ZNF609: variants seen among roughly 807,000 people sequenced by gnomAD.
ZNF609 encodes the protein zinc finger protein 609.
In ZNF609, 11 loss-of-function variants were observed where a neutral mutation model predicts 109.5. The observed-to-expected ratio is 0.10, with a 90% CI of 0.06 to 0.17. The LOEUF (loss-of-function observed/expected upper bound fraction) is 0.17, where lower values mean the gene tolerates loss of function less well. ZNF609 is among the 10% of genes least tolerant of loss of function. The pLI, the probability that ZNF609 is intolerant of heterozygous loss-of-function variation, is 1.00. For missense variants in ZNF609, 1,559 were observed against 1,772.4 expected, an observed-to-expected ratio of 0.88 and a Z score of 2.16; for synonymous variants, 646 against 662.0, an observed-to-expected ratio of 0.98 and a Z score of 0.37.
Position 64,499,345 on chromosome 15 carries a change from A to G in ZNF609, c.-75A>G. ...TGACCAATGTGGCAGGTCTGAGAAC[A>G]TAGCTGAAGCTGAAAATAGGAAAGC... On this transcript the variant is annotated 5_prime_UTR_variant, in exon 2 of 10. Coordinates refer to ENST00000326648, the MANE Select transcript of ZNF609 (RefSeq NM_015042.2). 1.9e-6 allele frequency: 3 copies of G among 1,556,970 alleles called. No homozygotes were observed.
intron 2 of ZNF609, among the ~76,000 whole-genome samples, chr15:64,620,958 A>C (rs961467966): frequency 6.6e-6 from 1 of 152,232 alleles, no homozygotes; most frequent in Non-Finnish European, 1.5e-5. Flanking sequence ...TTGCAGAGCT[A>C]TTTAGAAGCT....
At chr15:64,596,980 A>G (rs972366383) in intron 2 of ZNF609, among the ~76,000 whole-genome samples, 12 of 152,156 alleles carry the variant, frequency 7.9e-5, no homozygotes, top group African/African-American at 2.9e-4. Flanking sequence ...TTAATATTTT[A>G]TTATCTCTGT....
intron 2 of ZNF609, among the ~76,000 whole-genome samples, chr15:64,584,966 C>G (rs771778800): frequency 6.7e-6 from 1 of 150,022 alleles, no homozygotes; most frequent in African/African-American, 2.5e-5. Context: ...AGGAACTAGA[C>G]TCTCTAAGAA....
intron 3 of ZNF609, among the ~76,000 whole-genome samples, chr15:64,661,262 G>T (rs534546358): frequency 4.2e-4 from 64 of 152,148 alleles, no homozygotes; most frequent in African/African-American, 1.4e-3. Flanking sequence ...ACGACTGGCC[G>T]CGTATCACTA....
chr15:64,565,232 G>GTATTATTATCATTATTAT (rs1555419579), intron 2 of ZNF609, among the ~76,000 whole-genome samples: 1 of 138,736 alleles, frequency 7.2e-6, no homozygotes, highest in Non-Finnish European at 1.5e-5. Flanking sequence ...GCTAATTTTT[G>GTATTATTATCATTATTAT]TATTATTATT....
intron 2 of ZNF609, among the ~76,000 whole-genome samples, chr15:64,511,391 G>A (rs2140357957): frequency 6.7e-6 from 1 of 149,122 alleles, no homozygotes; most frequent in East Asian, 2.1e-4. Context: ...TGAGGCAGGA[G>A]AATTGCTTGA....
chr15:64,577,937 T>A (rs1895029319), intron 2 of ZNF609, among the ~76,000 whole-genome samples: 1 of 151,670 alleles, frequency 6.6e-6, no homozygotes, highest in Non-Finnish European at 1.5e-5. Flanking sequence ...GGAGGATTGC[T>A]TGAGGCCAGG....
intron 6 of ZNF609, among the ~76,000 whole-genome samples, chr15:64,679,235 G>A (rs747173469): frequency 2.0e-5 from 3 of 152,114 alleles, no homozygotes; most frequent in Non-Finnish European, 2.9e-5. Flanking sequence ...ACCACTCCTG[G>A]CTAATTTTGT....
chr15:64,674,484 G>A lies in ZNF609; in HGVS notation c.1630G>A (p.Asp544Asn). The A allele has an allele frequency of 1.9e-6, 3 of 1,614,188 alleles. No homozygotes were observed. The highest frequency in any genetic ancestry group is 2.5e-6 in the Non-Finnish European group (3 of 1,180,038). ...CGGAGAGGAACCTATTCTCCATGCA[G>A]ATCTTGGGAGCTGCAACGGTGCATC... The part of the protein sequence containing the change: ...EYGEEPILHA[D>N]LGSCNGASVS... The change falls in exon 5 of 10, where the codon GAT becomes AAT. Residue 544 changes from aspartate to asparagine, a missense_variant. Physicochemically the swap from Asp to Asn is conservative, Grantham distance 23. Around this residue, in one of 4 missense-constraint regions of ZNF609, gnomAD observed 1,204 missense variants for 1,314.1 expected, o/e 0.92. Coordinates refer to ENST00000326648, the MANE Select transcript of ZNF609 (RefSeq NM_015042.2).
chr15:64,550,838 GGA>G (rs1491224936), intron 2 of ZNF609, among the ~76,000 whole-genome samples: 6 of 128,800 alleles, frequency 4.7e-5, no homozygotes, highest in African/African-American at 2.0e-4. Context: ...CTCTGTCTCG[GGA>G]AAAAAAAAAA....
intron 1 of ZNF609, among the ~76,000 whole-genome samples, chr15:64,476,550 C>A (rs1407887663): frequency 6.6e-6 from 1 of 152,264 alleles, no homozygotes; most frequent in East Asian, 1.9e-4. Context: ...GGATTCTCTT[C>A]TGCCCAGCAG....
chr15:64,645,109 T>TCCTC (rs1374198797), intron 3 of ZNF609, among the ~76,000 whole-genome samples: 1 of 92,210 alleles, frequency 1.1e-5, no homozygotes, highest in East Asian at 3.1e-4. Context: ...CTCCCTCCCT[T>TCCTC]CCTTCCTTCC....
chr15:64,587,851 CAG>C (rs1895223572), intron 2 of ZNF609, among the ~76,000 whole-genome samples: 1 of 152,024 alleles, frequency 6.6e-6, no homozygotes, highest in African/African-American at 2.4e-5. Context: ...GTGTGGATAG[CAG>C]AGTCTCTAAA....
At chr15:64,474,953 T>C (rs1032855854) in intron 1 of ZNF609, among the ~76,000 whole-genome samples, 6 of 152,094 alleles carry the variant, frequency 3.9e-5, no homozygotes, top group African/African-American at 1.4e-4. Context: ...ATTTTATCCA[T>C]ATCTTTTTTG....
At chr15:64,649,169 T>C (rs572674613) in intron 3 of ZNF609, among the ~76,000 whole-genome samples, 1 of 152,320 alleles carries the variant, frequency 6.6e-6, no homozygotes, top group Admixed American at 6.5e-5. Context: ...AGAATTGTTA[T>C]AAATTAAATG....
At chr15:64,571,807 T>C (rs981196416) in intron 2 of ZNF609, among the ~76,000 whole-genome samples, 1 of 152,072 alleles carries the variant, frequency 6.6e-6, no homozygotes, top group Non-Finnish European at 1.5e-5. Context: ...GTAGGTGGGG[T>C]TACAGGTGCC....
intron 2 of ZNF609, among the ~76,000 whole-genome samples, chr15:64,530,259 G>A (rs549933581): frequency 6.6e-6 from 1 of 151,948 alleles, no homozygotes; most frequent in East Asian, 1.9e-4. Context: ...CAAGTGATCC[G>A]CTTGCCTCTC....
intron 3 of ZNF609, among the ~76,000 whole-genome samples, chr15:64,657,510 A>C (rs1031016420): frequency 2.6e-5 from 4 of 152,056 alleles, no homozygotes; most frequent in African/African-American, 9.7e-5. Context: ...GCTACTCGGG[A>C]GGCTGAGGCA....
intron 2 of ZNF609, among the ~76,000 whole-genome samples, chr15:64,520,738 A>G (rs1174357658): frequency 6.6e-6 from 1 of 152,224 alleles, no homozygotes; most frequent in East Asian, 1.9e-4. Flanking sequence ...GTAACCGAGA[A>G]ACTGACTTCC....
Sources: gnomAD v4.1 joint callset for allele counts (sites outside exome capture counted in the v4.1 genomes callset) on GRCh38, gnomAD v4.1.1 for gene constraint, gnomAD v4.1.1 regional missense constraint, MANE v1.5 for transcripts, NCBI Gene and HGNC (gene_info 2026-07-23, HGNC 2026-07-21) for gene names.